METAP2: variants seen among roughly 807,000 people sequenced by gnomAD.
METAP2 encodes the protein methionine aminopeptidase 2.
In METAP2, 25 loss-of-function variants were observed where a neutral mutation model predicts 59.4. The observed-to-expected ratio is 0.42, with a 90% CI of 0.31 to 0.59. METAP2 has a LOEUF of 0.59. METAP2 is among the 20% of genes least tolerant of loss of function. The pLI is 0.16. For synonymous variants in METAP2, 214 were observed against 194.1 expected (o/e 1.10, Z -0.85); for missense variants, 366 against 581.2 (o/e 0.63, Z 3.81).
At chr12:95,480,146 C>G (rs938245995) in intron 2 of METAP2, among the ~76,000 whole-genome samples, 6 of 152,064 alleles carry the variant, frequency 3.9e-5, no homozygotes, top group African/African-American at 1.4e-4. Context: ...TGGAATTATT[C>G]GGTATGTAGT....
At chr12:95,501,521 T>C (rs2076315571) in intron 7 of METAP2, among the ~76,000 whole-genome samples, 1 of 152,032 alleles carries the variant, frequency 6.6e-6, no homozygotes, top group Non-Finnish European at 1.5e-5. Flanking sequence ...TTGAGACTGT[T>C]CTGGCCAACG....
chr12:95,475,900 G>A (rs1286489178), intron 1 of METAP2, among the ~76,000 whole-genome samples, 171 bp from the exon 2 acceptor site: 2 of 152,206 alleles, frequency 1.3e-5, no homozygotes, highest in African/African-American at 4.8e-5. Context: ...ACAATACTGT[G>A]TAGGTATGGA....
At chr12:95,487,687 A>T (rs1277645650) in intron 4 of METAP2, among the ~76,000 whole-genome samples, 1 of 149,774 alleles carries the variant, frequency 6.7e-6, no homozygotes. Flanking sequence ...TTCTATGCTC[A>T]TATATGTATA....
intron 6 of METAP2, among the ~76,000 whole-genome samples, chr12:95,495,533 C>A (rs1221240461): frequency 6.6e-6 from 1 of 152,042 alleles, no homozygotes; most frequent in African/African-American, 2.4e-5. Context: ...TTTCTGAATT[C>A]TCTCCAAAAC....
At position 95,483,143 on chromosome 12, in the gene METAP2, T is replaced by C. The variant is rs1220080722; in HGVS notation, c.260-72T>C. On this transcript the variant is annotated intron_variant, in intron 2 of 10. Coordinates refer to ENST00000323666, the MANE Select transcript of METAP2 (RefSeq NM_006838.4). ...ATTTATTGAATAGAGCAAATACTTG[T>C]CTCCTTGTACTTGCTTTGTCCCTCT... 3.5e-5 allele frequency: 38 copies of C among 1,089,698 alleles called. No homozygotes were observed. The East Asian group carries it at 5.4e-4, about 16-fold the overall frequency. 67.5% of individuals were successfully genotyped at this position (1,089,698 alleles called of 1,614,324 possible). A position where few individuals can be genotyped will look rare whatever the true frequency, so the allele number is the denominator to read the frequency against.
intron 7 of METAP2, among the ~76,000 whole-genome samples, chr12:95,499,015 CA>C (rs71435771): frequency 0.3 from 41,824 of 140,972 alleles, 6,103 homozygotes; most frequent in East Asian, 0.48. Flanking sequence ...GACCCTGTCC[CA>C]AAAAAAAAAA....
rs184145346 is a variant in METAP2 at position 95,474,851 on chromosome 12, G to A, written c.151+521G>A. On this transcript the variant is annotated intron_variant, in intron 1 of 10. Transcript: ENST00000323666. ...TTGTTGCAGCCTGCACTTTTGGGGT[G>A]TGTGTACATGTGTGTTTGCCCGCGC... 2.0e-5 allele frequency among the ~76,000 whole-genome samples: 3 copies of A among 152,276 alleles called. 1 individual carries two copies. Among genetic ancestry groups the A allele is most frequent in the Admixed American group, 2.0e-4 (3 of 15,294 alleles).
At chr12:95,512,070 A>G in intron 9 of METAP2, 72 bp downstream of exon 9, 2 of 1,067,070 alleles carry the variant, frequency 1.9e-6, no homozygotes, top group Non-Finnish European at 2.9e-6. Context: ...CATGGTAGTT[A>G]AATATATGGT....
chr12:95,477,725 G>C (rs1037854912), intron 2 of METAP2, among the ~76,000 whole-genome samples: 6 of 152,088 alleles, frequency 3.9e-5, no homozygotes, highest in African/African-American at 1.4e-4. Context: ...CCATTAGTTG[G>C]GGCTGTAATT....
intron 3 of METAP2, among the ~76,000 whole-genome samples, chr12:95,485,591 A>C (rs757397257): frequency 6.6e-6 from 1 of 152,090 alleles, no homozygotes; most frequent in Non-Finnish European, 1.5e-5. Context: ...TTCCATCTCT[A>C]GTATAGTGAG....
At chr12:95,492,132 T>TGTGTGTGTGTGTGTGTGTG (rs1555191428) in intron 4 of METAP2, among the ~76,000 whole-genome samples, 7 of 149,312 alleles carry the variant, frequency 4.7e-5, no homozygotes, top group African/African-American at 1.2e-4. Flanking sequence ...ATATGTGTGT[T>TGTGTGTGTGTGTGTGTGTG]TGTGTGTGTG....
At chr12:95,497,502 T>C (rs1053761264) in intron 7 of METAP2, among the ~76,000 whole-genome samples, 2 of 152,266 alleles carry the variant, frequency 1.3e-5, no homozygotes, top group Non-Finnish European at 2.9e-5. Flanking sequence ...ATTGCTCCGA[T>C]GTTTTAGCTA....
At chr12:95,484,937 A>AT (rs2076184724) in intron 3 of METAP2, 2 of 446,688 alleles carry the variant, frequency 4.5e-6, no homozygotes, top group Admixed American at 2.5e-5. Context: ...TTATTTGTTT[A>AT]TTTTTTATAT....
rs537119415 is a variant in METAP2, at chr12:95,488,511, C to CAAAAAAAA, written c.428+2551_428+2558dup. On this transcript the variant is annotated intron_variant, in intron 4 of 10. Coordinates refer to ENST00000323666, the MANE Select transcript of METAP2 (RefSeq NM_006838.4). Reference sequence around the variant, plus strand: ...GTGACAGAGCGAGACTTTGTCTCACCAAAAAAAAAAAAAAAAAAAAAAAAA... The same window carrying CAAAAAAAA: ...GTGACAGAGCGAGACTTTGTCTCACCAAAAAAAAAAAAAAAAAAAAAAAAAAAAAAAAA... 2.5e-3 allele frequency among the ~76,000 whole-genome samples: 195 copies of CAAAAAAAA among 76,554 alleles called. 9 individuals carry two copies. Among genetic ancestry groups the CAAAAAAAA allele is most frequent in the African/African-American group, 9.3e-3 (185 of 19,892 alleles). The allele number at this position is 76,554 out of a possible 152,430, so 50.2% of individuals were successfully genotyped here. A position where few individuals can be genotyped will look rare whatever the true frequency, so the allele number is the denominator to read the frequency against.
chr12:95,481,666 G>A lies in METAP2; in HGVS notation c.260-1549G>A, dbSNP rs2076158969. On this transcript the variant is annotated intron_variant, in intron 2 of 10. Transcript: ENST00000323666. ...GCCTCAAAAGGATGAAAGTATCAAA[G>A]AAGGACCTTTTTGTTCCATTTTAAA... Among the ~76,000 whole-genome samples, 3 of 152,180 alleles carry A rather than the reference G, an allele frequency of 2.0e-5. No homozygotes were observed. The South Asian group carries it at 6.2e-4, about 32-fold the overall frequency.
intron 8 of METAP2, among the ~76,000 whole-genome samples, chr12:95,505,327 C>T (rs969022921): frequency 6.6e-6 from 1 of 150,774 alleles, no homozygotes. Flanking sequence ...AATTTATTAC[C>T]AGACTTAAAC....
At position 95,498,794 on chromosome 12, in the gene METAP2, G is replaced by A. The variant is rs145351009; in HGVS notation, c.867+2696G>A. 2.1e-4 allele frequency among the ~76,000 whole-genome samples: 32 copies of A among 152,164 alleles called. No homozygotes were observed. In the East Asian group the frequency reaches 5.0e-3, roughly 24 times the overall value. ...TTTTGGAGTCCGAGGTGGGAGGATC[G>A]TTTGAGCTCAGTAGTTAAAGTCTAG... is the stretch of plus-strand genomic sequence containing the variant. On this transcript the variant is annotated intron_variant, in intron 7 of 10. Coordinates refer to ENST00000323666, the MANE Select transcript of METAP2 (RefSeq NM_006838.4).
intron 7 of METAP2, among the ~76,000 whole-genome samples, chr12:95,501,487 C>T (rs989576440): frequency 3.9e-5 from 6 of 152,152 alleles, no homozygotes; most frequent in Admixed American, 6.5e-5. Flanking sequence ...GAGGCTGAGG[C>T]GGGCGGATCA....
intron 9 of METAP2, 48 bp from the exon 10 acceptor site, chr12:95,512,753 T>G (rs201940584): frequency 9.9e-7 from 1 of 1,006,178 alleles, no homozygotes; most frequent in East Asian, 2.4e-5. Flanking sequence ...TGTGATTCGT[T>G]CTGAATTTTT....
Sources: allele counts gnomAD v4.1 joint callset (sites outside exome capture counted in the v4.1 genomes callset), GRCh38; gene constraint gnomAD v4.1.1; transcripts MANE v1.5; gene names NCBI Gene and HGNC (gene_info 2026-07-23, HGNC 2026-07-21).